Variants in MYLK4 observed in about 807,000 individuals in gnomAD.
MYLK4 encodes the protein caMLCK like.
A neutral mutation model predicts 48.1 loss-of-function variants in MYLK4; 46 were observed. That is an observed-to-expected ratio of 0.96 (90% CI 0.75 to 1.22). The LOEUF is 1.22. Ranked by LOEUF, MYLK4 falls within the 50% of genes most tolerant of loss-of-function variation. MYLK4 has a pLI of 0.00. For missense variants in MYLK4, 451 were observed against 486.1 expected, an observed-to-expected ratio of 0.93 and a Z score of 0.68; for synonymous variants, 170 against 180.8, an observed-to-expected ratio of 0.94 and a Z score of 0.48.
chr6:2,766,142 G>A, the MYLK4 span: 2 of 1,317,978 alleles, frequency 1.5e-6, no homozygotes, highest in Non-Finnish European at 1.9e-6. Context: ...CGACGGCGAT[G>A]GCGACGGGGA....
intron 2 of MYLK4, among the ~76,000 whole-genome samples, chr6:2,720,475 G>A (rs1763030708): frequency 6.6e-6 from 1 of 151,934 alleles, no homozygotes; most frequent in Non-Finnish European, 1.5e-5. Context: ...GATTATGCAG[G>A]GAAATGAGAA....
At chr6:2,743,235 T>C (rs1763959366) in intron 2 of MYLK4, among the ~76,000 whole-genome samples, 1 of 152,210 alleles carries the variant, frequency 6.6e-6, no homozygotes, top group Non-Finnish European at 1.5e-5. Context: ...CTGTTTTCCA[T>C]AGTGCTTTCT....
intron 8 of MYLK4, among the ~76,000 whole-genome samples, chr6:2,679,790 T>C (rs6923348): frequency 0.23 from 34,670 of 152,158 alleles, 4,420 homozygotes; most frequent in East Asian, 0.45. Context: ...CCATTTTATA[T>C]GTGTCGTTAA....
At chr6:2,743,284 G>T (rs1021049024) in intron 2 of MYLK4, among the ~76,000 whole-genome samples, 11 of 152,206 alleles carry the variant, frequency 7.2e-5, no homozygotes, top group South Asian at 2.1e-4. Flanking sequence ...TTTATCATAT[G>T]CTAATTGATA....
rs747592840 is a variant in MYLK4, at chr6:2,678,207, G to A, written c.1040+13C>T. On this transcript the variant is annotated intron_variant, in intron 10 of 12. Coordinates refer to ENST00000274643, the MANE Select transcript of MYLK4 (RefSeq NM_001012418.5). ...CCCTACTGCGCCCGGAGCACAGGACGAACTTGCGTTACCTCTTCTCCTTAA... is the reference window on the plus strand; with the variant it reads ...CCCTACTGCGCCCGGAGCACAGGACAAACTTGCGTTACCTCTTCTCCTTAA... 24 of 1,612,976 alleles carry A rather than the reference G, an allele frequency of 1.5e-5. No individual in the cohort carries two copies. The highest frequency in any genetic ancestry group is 4.5e-5 in the East Asian group (2 of 44,882).
At chr6:2,734,210 A>G (rs1461390860) in intron 2 of MYLK4, among the ~76,000 whole-genome samples, 1 of 152,108 alleles carries the variant, frequency 6.6e-6, no homozygotes, top group Admixed American at 6.6e-5. Context: ...ATGGAATCTC[A>G]CAGGTTGTTC....
chr6:2,767,055 T>C, the MYLK4 span, among the ~76,000 whole-genome samples: 1 of 152,228 alleles, frequency 6.6e-6, no homozygotes, highest in Non-Finnish European at 1.5e-5. Flanking sequence ...CTGCAAGTCA[T>C]TTTCATCCGG....
intron 3 of MYLK4, among the ~76,000 whole-genome samples, chr6:2,692,216 T>C (rs1263595693): frequency 2.0e-5 from 3 of 152,214 alleles, no homozygotes; most frequent in Non-Finnish European, 4.4e-5. Context: ...GTATTCAGGC[T>C]CTCTGTGCAT....
chr6:2,704,847 C>T (rs1378408669), intron 2 of MYLK4, among the ~76,000 whole-genome samples: 1 of 152,178 alleles, frequency 6.6e-6, no homozygotes, highest in Admixed American at 6.5e-5. Context: ...CTATTAAAGT[C>T]CTTTACAATA....
the MYLK4 span, chr6:2,765,478 G>T: frequency 9.4e-7 from 1 of 1,058,678 alleles, no homozygotes; most frequent in East Asian, 3.7e-5. Context: ...AGGCATGAGC[G>T]GCGCCCTCCT....
intron 6 of MYLK4, among the ~76,000 whole-genome samples, chr6:2,683,525 T>C (rs1486500533): frequency 6.6e-6 from 1 of 152,006 alleles, no homozygotes. Flanking sequence ...ATTCAAGCGA[T>C]TCTCATGCCT....
chr6:2,758,574 T>G, the MYLK4 span, among the ~76,000 whole-genome samples: 3 of 151,978 alleles, frequency 2.0e-5, no homozygotes, highest in African/African-American at 7.2e-5. Context: ...AATCCCCAAA[T>G]TCAAAAATCC....
chr6:2,766,383 C>T, the MYLK4 span: 2 of 1,608,474 alleles, frequency 1.2e-6, no homozygotes, highest in Non-Finnish European at 1.7e-6. Context: ...CTGCTGCGCT[C>T]GCTCCTGGAG....
At chr6:2,754,668 T>C (rs977021434), upstream of MYLK4, among the ~76,000 whole-genome samples, 2 of 152,210 alleles carry the variant, frequency 1.3e-5, no homozygotes, top group Non-Finnish European at 2.9e-5. Context: ...TATACTTCAA[T>C]AGAGTCATTA....
intron 2 of MYLK4, among the ~76,000 whole-genome samples, chr6:2,736,772 A>G (rs558494852): frequency 3.3e-5 from 5 of 152,250 alleles, no homozygotes; most frequent in African/African-American, 7.2e-5. Context: ...GGTATCTAAC[A>G]GCTAGGTAAG....
At chr6:2,699,696 T>C (rs1762218480) in intron 2 of MYLK4, among the ~76,000 whole-genome samples, 1 of 152,162 alleles carries the variant, frequency 6.6e-6, no homozygotes, top group Non-Finnish European at 1.5e-5. Flanking sequence ...ACATCAAAAC[T>C]TTTTATAAAT....
chr6:2,770,356 C>T, the MYLK4 span: 1 of 1,614,028 alleles, frequency 6.2e-7, no homozygotes, highest in South Asian at 1.1e-5. Context: ...GCAACAGCAG[C>T]TCAGAGTAAG....
chr6:2,749,912 T>A (rs1764227739), intron 1 of MYLK4, among the ~76,000 whole-genome samples: 1 of 152,238 alleles, frequency 6.6e-6, no homozygotes, highest in African/African-American at 2.4e-5. Flanking sequence ...TTTATTTCCT[T>A]ACAGTCTTCT....
At chr6:2,684,170 C>T (rs757236825) in intron 6 of MYLK4, among the ~76,000 whole-genome samples, 13 of 152,112 alleles carry the variant, frequency 8.5e-5, no homozygotes, top group Non-Finnish European at 1.5e-4. Flanking sequence ...ATGATAGTTC[C>T]GTGAACACAA....
Sources: gnomAD v4.1 joint callset for allele counts (sites outside exome capture counted in the v4.1 genomes callset) on GRCh38, gnomAD v4.1.1 for gene constraint, MANE v1.5 for transcripts, NCBI Gene and HGNC (gene_info 2026-07-23, HGNC 2026-07-21) for gene names.